DSP: variants seen among roughly 807,000 people sequenced by gnomAD.
DSP encodes desmoplakin, also known as 250/210 kDa paraneoplastic pemphigus antigen.
A neutral mutation model predicts 290.6 loss-of-function variants in DSP; 114 were observed. That is an observed-to-expected ratio of 0.39 (90% CI 0.34 to 0.46). The LOEUF is 0.46. Ranked by LOEUF, DSP falls within the 20% of genes least tolerant of loss-of-function variation. The probability of loss-of-function intolerance (pLI) is 0.99; values close to 1 mark genes in which losing one functional copy is unlikely to be tolerated. For synonymous variants in DSP, 1,311 were observed against 1,316.4 expected (o/e 1.00, Z 0.09); for missense variants, 3,230 against 3,495.8 (o/e 0.92, Z 1.92).
Position 7,541,693 on chromosome 6 carries a change from C to G in DSP, c.-223C>G, listed in dbSNP as rs1230728246. On this transcript the variant is annotated 5_prime_UTR_variant, in exon 1 of 24. Transcript: ENST00000379802. ...GCTCCTCTGCGCCCTTGCCGCCCTC[C>G]GAGCCACAGCTTTCCTCCCGCTCCT... The G allele has an allele frequency of 5.2e-6, 3 of 581,416 alleles. No homozygotes were observed. Among genetic ancestry groups the G allele is most frequent in the Non-Finnish European group, 8.8e-6 (3 of 339,420 alleles). The allele number at this position is 581,416 out of a possible 1,614,324, so 36.0% of individuals were successfully genotyped here. A position where few individuals can be genotyped will look rare whatever the true frequency, so the allele number is the denominator to read the frequency against.
rs12250 is a variant in DSP, at chr6:7,586,075, C to T, written c.*197C>T. On this transcript the variant is annotated 3_prime_UTR_variant, in exon 24 of 24. Transcript: ENST00000379802. ...ATCTTCTTAGCTCATCTTAAATAAG[C>T]AGTACACTTGGATGCAGTGCGTCTG... 147,592 of 615,186 alleles carry T rather than the reference C, an allele frequency of 0.24. 18,322 individuals carry two copies. The highest frequency in any genetic ancestry group is 0.35 in the African/African-American group (19,142 of 54,104). 38.1% of individuals were successfully genotyped at this position (615,186 alleles called of 1,614,324 possible).
In DSP at chr6:7,585,076, G is replaced by A; in HGVS notation, c.7814G>A (p.Arg2605Lys). The change falls in exon 24 of 24, where the codon AGG becomes AAG. Residue 2605 changes from arginine to lysine, a missense_variant. Transcript: ENST00000379802. ...TISSVRNLTI[R>K]SSSFSDTLEE... ...TCCAGCGTCAGGAATTTAACCATAA[G>A]GAGCAGCTCTTTTTCAGACACCCTG... 4 of 1,614,182 alleles carry A rather than the reference G, an allele frequency of 2.5e-6. No individual in the cohort carries two copies. Among genetic ancestry groups the A allele is most frequent in the Non-Finnish European group, 3.4e-6 (4 of 1,180,038 alleles).
rs1758898923 is a variant in DSP, at chr6:7,567,550, A to G, written c.1140+101A>G. 15 of 1,241,192 alleles carry G rather than the reference A, an allele frequency of 1.2e-5. No homozygotes were observed. In the South Asian group the frequency reaches 1.8e-4, roughly 15 times the overall value. The allele number at this position is 1,241,192 out of a possible 1,614,324, so 76.9% of individuals were successfully genotyped here. The stretch of plus-strand genomic sequence containing the variant: ...CTGAAAATAATCTTCAAAATGTTGC[A>G]TAAATCCTCTTCATTGATTTTGAGT... On this transcript the variant is annotated intron_variant, in intron 9 of 23. Coordinates refer to ENST00000379802, the MANE Select transcript of DSP (RefSeq NM_004415.4).
At chr6:7,552,092 T>C (rs1035938410) in intron 1 of DSP, among the ~76,000 whole-genome samples, 1 of 152,204 alleles carries the variant, frequency 6.6e-6, no homozygotes, top group African/African-American at 2.4e-5. Context: ...CACTTCCCAA[T>C]AGACAAATAA....
rs553093075 is a variant in DSP, at chr6:7,554,366, C to T, written c.171-1352C>T. 7.2e-5 allele frequency among the ~76,000 whole-genome samples: 11 copies of T among 152,282 alleles called. No individual in the cohort carries two copies. In the East Asian group the frequency reaches 2.1e-3, roughly 29 times the overall value. ...CCTTGCTTGAAGAGCAAATGAAACT[C>T]TGTCATCTCGTTCTTTAAGATACAG... is the stretch of plus-strand genomic sequence containing the variant. On this transcript the variant is annotated intron_variant, in intron 1 of 23. Coordinates refer to ENST00000379802, the MANE Select transcript of DSP (RefSeq NM_004415.4).
At position 7,586,006 on chromosome 6, in the gene DSP, T is replaced by A. The variant is rs1159943250; in HGVS notation, c.*128T>A. ...GGACATTCTATGCTTACAGAAAATA[T>A]AGCCATGATTGAAATCAAATAGTAA... On this transcript the variant is annotated 3_prime_UTR_variant, in exon 24 of 24. Transcript: ENST00000379802. The A allele has an allele frequency of 3.1e-6, 3 of 969,118 alleles. No homozygotes were observed. In the South Asian group the frequency reaches 4.3e-5, roughly 14 times the overall value. 60.0% of individuals were successfully genotyped at this position (969,118 alleles called of 1,614,324 possible). A position where few individuals can be genotyped will look rare whatever the true frequency, so the allele number is the denominator to read the frequency against.
At chr6:7,567,657 G>C (rs939436354) in intron 9 of DSP, 124 bp from the exon 10 acceptor site, 3 of 1,479,940 alleles carry the variant, frequency 2.0e-6, no homozygotes, top group East Asian at 4.6e-5. Flanking sequence ...CTTTCTGCAC[G>C]AATTTTTTCC....
intron 20 of DSP, among the ~76,000 whole-genome samples, chr6:7,577,369 C>T (rs1468066245): frequency 6.6e-6 from 1 of 152,126 alleles, no homozygotes; most frequent in African/African-American, 2.4e-5. Context: ...GCTCTTGCTG[C>T]CCAGGCTGGA....
At chr6:7,569,795 C>T (rs945284987) in intron 12 of DSP, among the ~76,000 whole-genome samples, 1 of 150,982 alleles carries the variant, frequency 6.6e-6, no homozygotes, top group African/African-American at 2.4e-5. Context: ...GATCGTGCCA[C>T]TGCACTCCAG....
chr6:7,559,544 A>T, intron 4 of DSP, 144 bp downstream of exon 4: 1 of 1,019,812 alleles, frequency 9.8e-7, no homozygotes, highest in South Asian at 1.4e-5. Flanking sequence ...TTCCTCCTAT[A>T]CAATTTGAAA....
At position 7,581,254 on chromosome 6, in the gene DSP, G is replaced by T. The variant is rs886061747; in HGVS notation, c.5064G>T (p.Ala1688=). 6.2e-7 allele frequency: 1 copy of T among 1,614,010 alleles called. No individual in the cohort carries two copies. The highest frequency in any genetic ancestry group is 1.3e-5 in the African/African-American group (1 of 74,924). The part of the protein sequence containing the change: ...AHLRNEHFQK[A]IEDKSRSLNE... ...TGAGGAATGAGCATTTCCAGAAGGC[G>T]ATAGAAGATAAAAGCAGAAGCTTAA... is the stretch of plus-strand genomic sequence containing the variant. The change falls in exon 23 of 24, where the codon GCG becomes GCT. Residue 1688 remains alanine, a synonymous_variant. Transcript: ENST00000379802.
intron 4 of DSP, among the ~76,000 whole-genome samples, chr6:7,560,453 A>C (rs540624860): frequency 4.6e-5 from 7 of 152,334 alleles, no homozygotes; most frequent in Non-Finnish European, 1.0e-4. Flanking sequence ...CAGAAACCTA[A>C]ATACAAATCT....
intron 19 of DSP, among the ~76,000 whole-genome samples, chr6:7,576,754 A>G (rs1759251172): frequency 6.6e-6 from 1 of 152,244 alleles, no homozygotes; most frequent in Non-Finnish European, 1.5e-5. Flanking sequence ...AACCTCTTAC[A>G]GATAGTAAGT....
In DSP at chr6:7,584,803, C is replaced by T. The variant is rs144377593; in HGVS notation, c.7541C>T (p.Ser2514Phe). 1 of 1,614,202 alleles carries T rather than the reference C, an allele frequency of 6.2e-7. No homozygotes were observed. The highest frequency in any genetic ancestry group is 2.2e-5 in the East Asian group (1 of 44,880). ...ATAACCATCACGGGATCAGATGGCTCCACCAGGGTGGTCCTGGTAGATAGA... is the reference window on the plus strand; with the variant it reads ...ATAACCATCACGGGATCAGATGGCTTCACCAGGGTGGTCCTGGTAGATAGA... ...EEITITGSDG[S>F]TRVVLVDRKT... Residue 2514 changes from serine to phenylalanine, a missense_variant, in exon 24 of 24, where the codon TCC becomes TTC. Transcript: ENST00000379802. This position sits in a 1 kb window ranked among gnomAD's most constrained non-coding sequence, Gnocchi z 6.4.
In DSP at chr6:7,574,806, A is replaced by C. The variant is rs1759185037; in HGVS notation, c.2436+11A>C. Reference sequence around the variant, plus strand: ...CGCTGTGGACTGAAGGTAACTTGAAAGCTTATAACAGTGGCCCAACTTACA... The same window carrying C: ...CGCTGTGGACTGAAGGTAACTTGAACGCTTATAACAGTGGCCCAACTTACA... On this transcript the variant is annotated intron_variant, in intron 17 of 23. Coordinates refer to ENST00000379802, the MANE Select transcript of DSP (RefSeq NM_004415.4). 3 of 1,614,038 alleles carry C rather than the reference A, an allele frequency of 1.9e-6. No individual in the cohort carries two copies. Among genetic ancestry groups the C allele is most frequent in the Non-Finnish European group, 2.5e-6 (3 of 1,180,012 alleles).
At chr6:7,576,607 G>A in intron 19 of DSP, 151 bp downstream of exon 19, 1 of 999,972 alleles carries the variant, frequency 1.0e-6, no homozygotes, top group South Asian at 1.4e-5. Flanking sequence ...AATGCCCAGA[G>A]GAAAAGCAAC....
At position 7,586,394 on chromosome 6, in the gene DSP, T is replaced by C. The variant is rs1581827969; in HGVS notation, c.*516T>C. 8 of 168,560 alleles carry C rather than the reference T, an allele frequency of 4.7e-5. No homozygotes were observed. Among genetic ancestry groups the C allele is most frequent in the Admixed American group, 4.5e-4 (8 of 17,626 alleles). 10.4% of individuals were successfully genotyped at this position (168,560 alleles called of 1,614,324 possible). On this transcript the variant is annotated 3_prime_UTR_variant, in exon 24 of 24. Transcript: ENST00000379802. The stretch of plus-strand genomic sequence containing the variant: ...GTCTCCTTTAGTTTCAGAGTGTGGA[T>C]TGTATAACCCATATACTCTTCGATG...
rs1219037519 is a variant in DSP, at chr6:7,583,985, T to A, written c.6723T>A (p.Ile2241=). Residue 2241 remains isoleucine (I), a synonymous_variant, in exon 24 of 24, where the codon ATT becomes ATA. Coordinates refer to ENST00000379802, the MANE Select transcript of DSP (RefSeq NM_004415.4). This position sits in a 1 kb window ranked among gnomAD's most constrained non-coding sequence, Gnocchi z 4.0. The stretch of plus-strand genomic sequence containing the variant: ...TCAATGAACTGGAATCTGGTCAGAT[T>A]TCTTATGACGAGGTTGGTGAGAGAA... The part of the protein sequence containing the change: ...STVNELESGQ[I]SYDEVGERIK... The A allele has an allele frequency of 1.3e-5, 21 of 1,614,204 alleles. No individual in the cohort carries two copies. In the East Asian group the frequency reaches 3.8e-4, roughly 29 times the overall value.
At chr6:7,552,166 A>G (rs1418803376) in intron 1 of DSP, among the ~76,000 whole-genome samples, 1 of 152,146 alleles carries the variant, frequency 6.6e-6, no homozygotes, top group Non-Finnish European at 1.5e-5. Flanking sequence ...TCAACCCTTC[A>G]AAGGATTAGA....
Sources: allele counts gnomAD v4.1 joint callset (sites outside exome capture counted in the v4.1 genomes callset), GRCh38; gene constraint gnomAD v4.1.1; non-coding constraint Gnocchi (gnomAD v3.1); transcripts MANE v1.5; gene names NCBI Gene and HGNC (gene_info 2026-07-23, HGNC 2026-07-21).